The following LAMB4 variants were observed in gnomAD, a reference collection of about 807,000 sequenced individuals.
The protein encoded by LAMB4 is laminin subunit beta-4.
Under a neutral mutation model 199.2 loss-of-function variants are expected in LAMB4, and 196 were observed. That is an observed-to-expected ratio of 0.98 (90% CI 0.88 to 1.11). LAMB4 has a LOEUF of 1.11. LAMB4 is among the 50% of genes least tolerant of loss of function. LAMB4 has a pLI of 0.00. For synonymous variants in LAMB4, 744 were observed against 770.6 expected (o/e 0.97, Z 0.57); for missense variants, 2,080 against 2,171.2 (o/e 0.96, Z 0.83).
intron 10 of LAMB4, among the ~76,000 whole-genome samples, chr7:108,099,615 T>A (rs1345675502): frequency 6.6e-6 from 1 of 152,192 alleles, no homozygotes; most frequent in Non-Finnish European, 1.5e-5. Flanking sequence ...TGTGGTTCTG[T>A]GTTTCCATGG....
intron 4 of LAMB4, among the ~76,000 whole-genome samples, chr7:108,109,676 A>C (rs1233244323): frequency 6.6e-6 from 1 of 152,232 alleles, no homozygotes; most frequent in Non-Finnish European, 1.5e-5. Context: ...TTTGAACTAG[A>C]ATTTCATTGT....
chr7:108,015,148 A>G, the LAMB4 span, among the ~76,000 whole-genome samples: 1 of 152,226 alleles, frequency 6.6e-6, no homozygotes, highest in Non-Finnish European at 1.5e-5. Flanking sequence ...AGTAAAAGTA[A>G]TTGTTCTCTT....
At chr7:108,037,294 T>C (rs1159083949) in intron 30 of LAMB4, 94 bp downstream of exon 30, 2 of 956,718 alleles carry the variant, frequency 2.1e-6, no homozygotes, top group Admixed American at 2.2e-5. Context: ...GTAATTTCAT[T>C]TGAATGCTAT....
At chr7:108,088,987 C>T (rs1421588480) in intron 14 of LAMB4, among the ~76,000 whole-genome samples, 2 of 152,152 alleles carry the variant, frequency 1.3e-5, no homozygotes, top group African/African-American at 4.8e-5. Context: ...TCTGGCCTAT[C>T]CTATGGAATA....
intron 21 of LAMB4, 69 bp from the exon 22 acceptor site, chr7:108,064,054 T>A (rs1325896780): frequency 2.7e-6 from 3 of 1,125,222 alleles, no homozygotes; most frequent in Non-Finnish European, 4.1e-6. Flanking sequence ...GAGATGGATG[T>A]TGTAAATAGA....
At position 108,047,911 on chromosome 7, in the gene LAMB4, A is replaced by AT. The variant is rs757347775; in HGVS notation, c.4322dup (p.Asn1441LysfsTer8). 1 of 1,613,058 alleles carries AT rather than the reference A, an allele frequency of 6.2e-7. No homozygotes were observed. Among genetic ancestry groups the AT allele is most frequent in the Non-Finnish European group, 8.5e-7 (1 of 1,179,054 alleles). ...TAAAGCAAGAGAAGATATTTACCTG[A>AT]TTTTTCAACCCACGAACCTGTTTGT... On this transcript the variant is annotated frameshift_variant, in exon 28 of 34. Transcript: ENST00000388781. LOFTEE classifies it high-confidence loss of function.
Position 108,103,084 on chromosome 7 carries a change from C to G in LAMB4, c.1140G>C (p.Arg380Ser). 6.2e-7 allele frequency: 1 copy of G among 1,610,814 alleles called. No individual in the cohort carries two copies. Among genetic ancestry groups the G allele is most frequent in the Non-Finnish European group, 8.5e-7 (1 of 1,177,446 alleles). Residue 380 changes from arginine to serine, a missense_variant, in exon 10 of 34, where the codon AGG (arginine) becomes AGC (serine). Arg to Ser is a moderately radical substitution (Grantham distance 110). Coordinates refer to ENST00000388781, the MANE Select transcript of LAMB4 (RefSeq NM_007356.3). The part of the protein sequence containing the change: ...HCDRCRPLFY[R>S]DPLKTISDPY... ...GATCTGAGATGGTCTTGAGCGGGTC[C>G]CTGTAGAAGAGGGGTCTGCAGCGGT...
chr7:108,047,748 C>T (rs918198306), intron 28 of LAMB4, among the ~76,000 whole-genome samples, 160 bp downstream of exon 28: 3 of 152,160 alleles, frequency 2.0e-5, no homozygotes, highest in South Asian at 2.1e-4. Flanking sequence ...AATCTACATT[C>T]ATATCATCTG....
chr7:108,056,450 T>C (rs761999665), intron 24 of LAMB4, among the ~76,000 whole-genome samples: 6 of 152,196 alleles, frequency 3.9e-5, no homozygotes, highest in Non-Finnish European at 7.4e-5. Flanking sequence ...TGTCTTCCAT[T>C]ACATAAGGAA....
At chr7:108,117,438 T>G (rs2038444722) in intron 2 of LAMB4, among the ~76,000 whole-genome samples, 1 of 152,196 alleles carries the variant, frequency 6.6e-6, no homozygotes, top group Non-Finnish European at 1.5e-5. Context: ...TGTTAATTGT[T>G]GGGAAGATTG....
intron 28 of LAMB4, among the ~76,000 whole-genome samples, chr7:108,046,958 G>A (rs1176474087): frequency 6.6e-6 from 1 of 150,950 alleles, no homozygotes; most frequent in Non-Finnish European, 1.5e-5. Flanking sequence ...GTAGAGATAC[G>A]GCCTCCCTGT....
At chr7:108,026,236 G>A (rs779368110) in intron 33 of LAMB4, among the ~76,000 whole-genome samples, 1 of 152,170 alleles carries the variant, frequency 6.6e-6, no homozygotes, top group Non-Finnish European at 1.5e-5. Context: ...TTCCCATCAA[G>A]AAGTAGAATC....
At chr7:108,048,528 T>C (rs2035722557) in intron 27 of LAMB4, among the ~76,000 whole-genome samples, 1 of 152,198 alleles carries the variant, frequency 6.6e-6, no homozygotes, top group Non-Finnish European at 1.5e-5. Context: ...TCTTCAATAG[T>C]TGTTCATCCT....
At chr7:108,051,353 A>G (rs1323625863) in intron 26 of LAMB4, among the ~76,000 whole-genome samples, 4 of 152,120 alleles carry the variant, frequency 2.6e-5, no homozygotes, top group Non-Finnish European at 5.9e-5. Context: ...TATACATAGG[A>G]CAATGAAAGC....
chr7:108,044,955 C>CAAAAA (rs756256335), intron 28 of LAMB4, among the ~76,000 whole-genome samples: 138 of 52,086 alleles, frequency 2.6e-3, no homozygotes, highest in East Asian at 3.5e-3. Context: ...ATTCTTGTCT[C>CAAAAA]AAAAAAAAAA....
intron 29 of LAMB4, among the ~76,000 whole-genome samples, 191 bp downstream of exon 29, chr7:108,043,561 T>G (rs1367376320): frequency 4.6e-4 from 12 of 25,966 alleles, no homozygotes; most frequent in African/African-American, 8.6e-4. Context: ...TTTTTTTTTT[T>G]TTTTTTTTTT....
chr7:108,084,191 T>C (rs2037071457), intron 14 of LAMB4, among the ~76,000 whole-genome samples: 2 of 152,112 alleles, frequency 1.3e-5, no homozygotes, highest in South Asian at 2.1e-4. Context: ...AGGGAGATGG[T>C]ACCAATTATA....
At position 108,025,444 on chromosome 7, in the gene LAMB4, T is replaced by TTC. The variant is rs1563024905; in HGVS notation, c.5147-1267_5147-1266insGA. On this transcript the variant is annotated intron_variant, in intron 33 of 33. Transcript: ENST00000388781. Reference sequence around the variant, plus strand: ...TCTTTCTTTCTTTCTTTTTTTTTTTTTGAGACAGAGTTTTGCTCTTGTTGC... The same window carrying TTC: ...TCTTTCTTTCTTTCTTTTTTTTTTTTTCTGAGACAGAGTTTTGCTCTTGTTGC... Among the ~76,000 whole-genome samples the TTC allele has an allele frequency of 3.6e-3, 412 of 115,754 alleles. 42 individuals are homozygous for TTC. Among genetic ancestry groups the TTC allele is most frequent in the African/African-American group, 0.015 (215 of 13,996 alleles). The allele number at this position is 115,754 out of a possible 152,430, so 75.9% of individuals were successfully genotyped here. A position where few individuals can be genotyped will look rare whatever the true frequency, so the allele number is the denominator to read the frequency against.
intron 23 of LAMB4, among the ~76,000 whole-genome samples, chr7:108,061,292 A>G (rs2036150685): frequency 6.6e-6 from 1 of 152,226 alleles, no homozygotes; most frequent in African/African-American, 2.4e-5. Context: ...TTTGTTAGCA[A>G]TAATGTATCA....
Sources: gnomAD v4.1 joint callset for allele counts (sites outside exome capture counted in the v4.1 genomes callset) on GRCh38, gnomAD v4.1.1 for gene constraint, MANE v1.5 for transcripts, NCBI Gene and HGNC (gene_info 2026-07-23, HGNC 2026-07-21) for gene names.